The following ESRRB variants were observed in gnomAD, a reference collection of about 807,000 sequenced individuals.
ESRRB encodes steroid hormone receptor ERR2.
ESRRB carries 16 observed loss-of-function variants against 46.0 expected under a neutral mutation model. That is an observed-to-expected ratio of 0.35 (90% confidence interval 0.24 to 0.53). ESRRB has a LOEUF of 0.53. Among genes scored for constraint, ESRRB ranks in the 20% least tolerant of loss-of-function variants. The pLI is 0.93. For synonymous variants in ESRRB, 246 were observed against 259.6 expected, an observed-to-expected ratio of 0.95 and a Z score of 0.50; for missense variants, 488 against 607.4, an observed-to-expected ratio of 0.80 and a Z score of 2.07.
At chr14:76,425,529 CCCT>C (rs753080169) in intron 1 of ESRRB, among the ~76,000 whole-genome samples, 5 of 151,868 alleles carry the variant, frequency 3.3e-5, no homozygotes, top group Non-Finnish European at 7.4e-5. Flanking sequence ...TCCTTCCTCC[CCCT>C]CCTCCTCCCT....
At chr14:76,495,413 G>T (rs1321012525) in intron 6 of ESRRB, 1 of 152,124 alleles carries the variant, frequency 6.6e-6, no homozygotes, top group East Asian at 1.9e-4. Flanking sequence ...ACCCCCAAGA[G>T]GGAACACACG....
chr14:76,399,208 G>A (rs1393155028), intron 1 of ESRRB, among the ~76,000 whole-genome samples: 4 of 152,124 alleles, frequency 2.6e-5, no homozygotes, highest in South Asian at 2.1e-4. Flanking sequence ...TAACCAGCGC[G>A]TATATATCTT....
chr14:76,473,487 A>T (rs1346292323), intron 3 of ESRRB, among the ~76,000 whole-genome samples: 2 of 152,354 alleles, frequency 1.3e-5, no homozygotes, highest in African/African-American at 4.8e-5. Flanking sequence ...TTGGAAGAGA[A>T]ATATGATGTG....
chr14:76,491,341 C>T, intron 5 of ESRRB, 106 bp from the exon 6 acceptor site: 2 of 1,193,866 alleles, frequency 1.7e-6, no homozygotes. Flanking sequence ...CAGGGACACC[C>T]CGCAACCAGC....
intron 1 of ESRRB, among the ~76,000 whole-genome samples, chr14:76,333,622 T>C (rs61979363): frequency 0.18 from 26,547 of 149,902 alleles, 2,559 homozygotes; most frequent in African/African-American, 0.23. Flanking sequence ...GCCACTGTAC[T>C]AGGCTACATT....
At position 76,439,450 on chromosome 14, in the gene ESRRB, C is replaced by T. The variant is rs1887819511; in HGVS notation, c.160C>T (p.His54Tyr). 6.2e-7 allele frequency: 1 copy of T among 1,613,534 alleles called. No individual in the cohort carries two copies. Among genetic ancestry groups the T allele is most frequent in the Non-Finnish European group, 8.5e-7 (1 of 1,179,888 alleles). ...CTCGGGCATCGATGCCCTCAGCCAC[C>T]ACAGCCCCAGTGGCTCGTCCGACGC... Reference protein sequence around the residue: ...PSSGIDALSHHSPSGSSDASG... With the variant: ...PSSGIDALSHYSPSGSSDASG... The change falls in exon 2 of 7, where the codon CAC (histidine) becomes TAC (tyrosine). Residue 54 changes from histidine to tyrosine, a missense_variant. Coordinates refer to ENST00000644823, the MANE Select transcript of ESRRB (RefSeq NM_001379180.1).
At chr14:76,358,505 C>G (rs1218193558) in intron 1 of ESRRB, among the ~76,000 whole-genome samples, 1 of 151,338 alleles carries the variant, frequency 6.6e-6, no homozygotes, top group Non-Finnish European at 1.5e-5. Context: ...TTGATTTTCT[C>G]ATCGGCGTGC....
chr14:76,400,427 G>A (rs2139839002), intron 1 of ESRRB, among the ~76,000 whole-genome samples: 1 of 152,336 alleles, frequency 6.6e-6, no homozygotes, highest in Middle Eastern at 3.4e-3. Flanking sequence ...ACAAGAGCCG[G>A]AAGCCTTCCA....
intron 1 of ESRRB, among the ~76,000 whole-genome samples, chr14:76,335,542 G>A (rs541590126): frequency 6.6e-6 from 1 of 152,310 alleles, no homozygotes; most frequent in South Asian, 2.1e-4. Context: ...AGACAGACAT[G>A]GTCCCTGCTT....
chr14:76,341,585 A>G (rs1263279129), intron 1 of ESRRB, among the ~76,000 whole-genome samples: 1 of 152,250 alleles, frequency 6.6e-6, no homozygotes, highest in African/African-American at 2.4e-5. Context: ...ATGGGCCATG[A>G]GGTCTCCAGG....
At chr14:76,346,573 T>G (rs1884252884) in intron 1 of ESRRB, among the ~76,000 whole-genome samples, 1 of 152,196 alleles carries the variant, frequency 6.6e-6, no homozygotes, top group Admixed American at 6.5e-5. Context: ...CTGGGTGAGC[T>G]GACCTGAGCC....
chr14:76,487,818 G>T (rs1890077605), intron 5 of ESRRB, among the ~76,000 whole-genome samples: 1 of 152,102 alleles, frequency 6.6e-6, no homozygotes, highest in South Asian at 2.1e-4. Context: ...TGCCCAGGCT[G>T]GCATTACACT....
At chr14:76,440,018 T>C (rs1309588429) in intron 2 of ESRRB, among the ~76,000 whole-genome samples, 1 of 151,976 alleles carries the variant, frequency 6.6e-6, no homozygotes, top group Admixed American at 6.6e-5. Flanking sequence ...TCCACAGGAA[T>C]GCCAAACCCT....
chr14:76,378,981 C>G (rs1302632719), intron 1 of ESRRB, among the ~76,000 whole-genome samples: 1 of 152,162 alleles, frequency 6.6e-6, no homozygotes, highest in East Asian at 1.9e-4. Context: ...CATTCCCAGA[C>G]TTGAGAAAAC....
chr14:76,462,538 G>A lies in ESRRB; in HGVS notation c.461-7G>A. ...CACCCGGCAACCCTCTCTGTGTCTG[G>A]TTGCAGGGAACATTGAGTACAGCTG... is the stretch of plus-strand genomic sequence containing the variant. On this transcript the variant is annotated splice_polypyrimidine_tract_variant and splice_region_variant and intron_variant, in intron 2 of 6. Coordinates refer to ENST00000644823, the MANE Select transcript of ESRRB (RefSeq NM_001379180.1). 6.2e-7 allele frequency: 1 copy of A among 1,612,700 alleles called. No homozygotes were observed. Among genetic ancestry groups the A allele is most frequent in the Non-Finnish European group, 8.5e-7 (1 of 1,178,956 alleles).
intron 2 of ESRRB, among the ~76,000 whole-genome samples, chr14:76,453,201 A>C (rs1403704839): frequency 1.3e-5 from 2 of 152,258 alleles, no homozygotes; most frequent in Admixed American, 1.3e-4. Flanking sequence ...CAGAAGGAGC[A>C]TAGGAGGGGC....
At chr14:76,451,525 C>CT (rs775597356) in intron 2 of ESRRB, among the ~76,000 whole-genome samples, 2 of 152,326 alleles carry the variant, frequency 1.3e-5, no homozygotes, top group Non-Finnish European at 2.9e-5. Flanking sequence ...ATCAGATCTC[C>CT]TTTCAGCAAG....
rs753110550 is a variant in ESRRB, at chr14:76,501,411, C to G, written c.*2953C>G. On this transcript the variant is annotated 3_prime_UTR_variant, in exon 7 of 7. Coordinates refer to ENST00000644823, the MANE Select transcript of ESRRB (RefSeq NM_001379180.1). The stretch of plus-strand genomic sequence containing the variant: ...ACCAAGTAAGAGGCTCTCAAGACTC[C>G]AGCAGAGTCGGGAGGCCATGGCAGC... The G allele has an allele frequency of 6.6e-6, 1 of 152,216 alleles. No homozygotes were observed. Among genetic ancestry groups the G allele is most frequent in the African/African-American group, 2.4e-5 (1 of 41,426 alleles). The allele number at this position is 152,216 out of a possible 1,614,324, so 9.4% of individuals were successfully genotyped here.
At chr14:76,492,014 G>A (rs1890251959) in intron 6 of ESRRB, among the ~76,000 whole-genome samples, 1 of 152,168 alleles carries the variant, frequency 6.6e-6, no homozygotes, top group African/African-American at 2.4e-5. Context: ...CTACCAACTG[G>A]GCAAGTTGCT....
Sources: allele counts gnomAD v4.1 joint callset (sites outside exome capture counted in the v4.1 genomes callset), GRCh38; gene constraint gnomAD v4.1.1; transcripts MANE v1.5; gene names NCBI Gene and HGNC (gene_info 2026-07-23, HGNC 2026-07-21).